Variants in NUP50 observed in about 807,000 individuals in gnomAD.
NUP50 encodes nucleoporin 50, also known as nuclear pore complex protein Nup50.
NUP50 carries 14 observed loss-of-function variants against 36.8 expected under a neutral mutation model. The ratio of observed to expected loss-of-function variants is 0.38; its 90% CI spans 0.25 to 0.59. NUP50 has a LOEUF of 0.59. Ranked by LOEUF, NUP50 falls within the 20% of genes least tolerant of loss-of-function variation. The pLI is 0.63. For synonymous variants in NUP50, 195 were observed against 210.8 expected (o/e 0.93, Z 0.65); for missense variants, 455 against 564.6 (o/e 0.81, Z 1.97).
At position 45,186,136 on chromosome 22, in the gene NUP50, G is replaced by A. The variant is rs1318606886; in HGVS notation, c.*1481G>A. The A allele has an allele frequency of 1.3e-5, 2 of 152,230 alleles. No individual in the cohort carries two copies. The highest frequency in any genetic ancestry group is 1.3e-4 in the Admixed American group (2 of 15,280). 9.4% of individuals were successfully genotyped at this position (152,230 alleles called of 1,614,324 possible). The stretch of plus-strand genomic sequence containing the variant: ...TGTGATTGGGCCAATGTTGGCATGA[G>A]GTTCTTGCTCTACTTCCAGTGTTTT... On this transcript the variant is annotated 3_prime_UTR_variant, in exon 8 of 8. Coordinates refer to ENST00000347635, the MANE Select transcript of NUP50 (RefSeq NM_007172.4).
At position 45,178,220 on chromosome 22, in the gene NUP50, A is replaced by T; in HGVS notation, c.341-18A>T. On this transcript the variant is annotated intron_variant, in intron 4 of 7. Transcript: ENST00000347635. ...CAAATTAGGCTAAATAAATGGTTCA[A>T]TTATTAACTTTCTATAGGTTCTCTT... The T allele has an allele frequency of 6.3e-7, 1 of 1,598,896 alleles. No homozygotes were observed. Among genetic ancestry groups the T allele is most frequent in the South Asian group, 1.1e-5 (1 of 88,886 alleles).
rs796141064 is a variant in NUP50, at chr22:45,184,792, T to C, written c.*137T>C. 8 of 669,662 alleles carry C rather than the reference T, an allele frequency of 1.2e-5. No homozygotes were observed. The South Asian group carries it at 1.3e-4, about 11-fold the overall frequency. 41.5% of individuals were successfully genotyped at this position (669,662 alleles called of 1,614,324 possible). A position where few individuals can be genotyped will look rare whatever the true frequency, so the allele number is the denominator to read the frequency against. On this transcript the variant is annotated 3_prime_UTR_variant, in exon 8 of 8. Coordinates refer to ENST00000347635, the MANE Select transcript of NUP50 (RefSeq NM_007172.4). The stretch of plus-strand genomic sequence containing the variant: ...TTAAAACTTTTGTGAGGAAGATTAA[T>C]GTGGCCAATAAAACCTTTAAATGTT...
intron 5 of NUP50, chr22:45,180,261 G>T (rs2074346142): frequency 6.6e-6 from 1 of 152,242 alleles, no homozygotes; most frequent in Admixed American, 6.5e-5. Flanking sequence ...GGATAAGACG[G>T]ACAGTCGTGT....
intron 1 of NUP50, among the ~76,000 whole-genome samples, chr22:45,165,384 C>A (rs2074079382): frequency 6.6e-6 from 1 of 152,148 alleles, no homozygotes. Context: ...CACAGGCGTG[C>A]GCCACTACGC....
chr22:45,178,760 T>C lies in NUP50; in HGVS notation c.863T>C (p.Val288Ala). 1 of 1,613,924 alleles carries C rather than the reference T, an allele frequency of 6.2e-7. No homozygotes were observed. Among genetic ancestry groups the C allele is most frequent in the Non-Finnish European group, 8.5e-7 (1 of 1,179,896 alleles). The change falls in exon 5 of 8, where the codon GTC (valine) becomes GCC (alanine). Residue 288 changes from valine (V) to alanine (A), a missense_variant. Around this residue, in one of 3 missense-constraint regions of NUP50, gnomAD observed 287 missense variants for 345.5 expected, o/e 0.83. Coordinates refer to ENST00000347635, the MANE Select transcript of NUP50 (RefSeq NM_007172.4). ...TCTGTTTTGGGCTCATTAAGCTCTG[T>C]CCCCCTGACTGGATTTTCTTTCTCC... Reference protein sequence around the residue: ...DSSVLGSLSSVPLTGFSFSPG... With the variant: ...DSSVLGSLSSAPLTGFSFSPG...
intron 2 of NUP50, among the ~76,000 whole-genome samples, chr22:45,168,913 T>TG (rs2074139294): frequency 6.7e-6 from 1 of 150,194 alleles, no homozygotes; most frequent in African/African-American, 2.5e-5. Flanking sequence ...TTTTTTTTTT[T>TG]TTTTTTGAGA....
At chr22:45,168,841 T>C (rs1014748562) in intron 2 of NUP50, among the ~76,000 whole-genome samples, 7 of 151,846 alleles carry the variant, frequency 4.6e-5, no homozygotes, top group African/African-American at 1.7e-4. Flanking sequence ...TGATCATTTT[T>C]CCCTTATAAA....
At chr22:45,184,248 G>A (rs2074431796) in intron 7 of NUP50, 5 of 583,668 alleles carry the variant, frequency 8.6e-6, no homozygotes, top group South Asian at 4.2e-5. Flanking sequence ...GAGGGAGGAC[G>A]GAAGGCCACT....
Position 45,187,481 on chromosome 22 carries a change from A to G in NUP50, c.*2826A>G, listed in dbSNP as rs1436843551. ...GGAGGGGAAGAAAAACTAATATTCT[A>G]CCTTACTAGTAGAGTTCAAAACAAG... is the stretch of plus-strand genomic sequence containing the variant. On this transcript the variant is annotated 3_prime_UTR_variant, in exon 8 of 8. Transcript: ENST00000347635. 5 of 151,770 alleles carry G rather than the reference A, an allele frequency of 3.3e-5. No homozygotes were observed. Among genetic ancestry groups the G allele is most frequent in the African/African-American group, 9.7e-5 (4 of 41,338 alleles). The allele number at this position is 151,770 out of a possible 1,614,324, so 9.4% of individuals were successfully genotyped here. A position where few individuals can be genotyped will look rare whatever the true frequency, so the allele number is the denominator to read the frequency against.
At chr22:45,169,431 C>T (rs561689500) in intron 2 of NUP50, among the ~76,000 whole-genome samples, 21 of 151,922 alleles carry the variant, frequency 1.4e-4, no homozygotes, top group East Asian at 7.7e-4. Flanking sequence ...ACCCAGGTGC[C>T]GAGGCAAGAG....
At position 45,186,474 on chromosome 22, in the gene NUP50, A is replaced by G. The variant is rs542299170; in HGVS notation, c.*1819A>G. 4 of 152,262 alleles carry G rather than the reference A, an allele frequency of 2.6e-5. No homozygotes were observed. The highest frequency in any genetic ancestry group is 2.6e-4 in the Admixed American group (4 of 15,286). 9.4% of individuals were successfully genotyped at this position (152,262 alleles called of 1,614,324 possible). On this transcript the variant is annotated 3_prime_UTR_variant, in exon 8 of 8. Transcript: ENST00000347635. Reference sequence around the variant, plus strand: ...TAAGTTTGTTGCAACTTAGCCACACATGCTTCCCTGGTACCAGCTGGAATC... The same window carrying G: ...TAAGTTTGTTGCAACTTAGCCACACGTGCTTCCCTGGTACCAGCTGGAATC...
At chr22:45,175,507 G>T (rs1411716350) in intron 3 of NUP50, among the ~76,000 whole-genome samples, 1 of 152,132 alleles carries the variant, frequency 6.6e-6, no homozygotes, top group African/African-American at 2.4e-5. Context: ...GGCAGTAAAT[G>T]GTCTTTGACT....
At chr22:45,170,944 G>T (rs2074182419) in intron 2 of NUP50, 5 of 1,292,020 alleles carry the variant, frequency 3.9e-6, no homozygotes, top group Non-Finnish European at 5.1e-6. Flanking sequence ...AACAACTATA[G>T]GTGAGAATTT....
At chr22:45,168,267 G>A in intron 2 of NUP50, 21 bp downstream of exon 2, 1 of 1,581,184 alleles carries the variant, frequency 6.3e-7, no homozygotes, top group Non-Finnish European at 8.6e-7. Flanking sequence ...GCTTCCCTAA[G>A]AATGATTTCC....
intron 5 of NUP50, chr22:45,179,324 C>A (rs1218932136): frequency 6.2e-6 from 1 of 160,294 alleles, no homozygotes; most frequent in African/African-American, 2.4e-5. Context: ...CTTGACTATA[C>A]ATTACAAATG....
intron 3 of NUP50, among the ~76,000 whole-genome samples, chr22:45,173,742 A>G (rs193131969): frequency 6.6e-6 from 1 of 152,324 alleles, no homozygotes; most frequent in Non-Finnish European, 1.5e-5. Flanking sequence ...TCACCTGTGC[A>G]ACCGAAGGAA....
At chr22:45,179,850 C>T (rs950278888) in intron 5 of NUP50, among the ~76,000 whole-genome samples, 1 of 152,196 alleles carries the variant, frequency 6.6e-6, no homozygotes, top group Admixed American at 6.5e-5. Flanking sequence ...CATCACTGCA[C>T]TCCAGCCTGG....
intron 1 of NUP50, among the ~76,000 whole-genome samples, chr22:45,165,176 T>A (rs553723369): frequency 6.6e-6 from 1 of 152,352 alleles, no homozygotes; most frequent in Non-Finnish European, 1.5e-5. Context: ...ACCACGTTGC[T>A]TCATACCTAG....
intron 6 of NUP50, 38 bp from the exon 7 acceptor site, chr22:45,183,364 C>T (rs1353083158): frequency 2.5e-6 from 3 of 1,223,068 alleles, no homozygotes; most frequent in Non-Finnish European, 3.6e-6. Context: ...TTGATTCGTC[C>T]TTGAATGCTT....
Sources: allele counts gnomAD v4.1 joint callset (sites outside exome capture counted in the v4.1 genomes callset), GRCh38; gene constraint gnomAD v4.1.1; regional missense constraint gnomAD v4.1.1; transcripts MANE v1.5; gene names NCBI Gene and HGNC (gene_info 2026-07-23, HGNC 2026-07-21).